The following SKAP1 variants were observed in gnomAD, a reference collection of about 807,000 sequenced individuals.
SKAP1 encodes src kinase associated phosphoprotein 1, also known as src kinase-associated phosphoprotein 1.
In SKAP1, 44 loss-of-function variants were observed where a neutral mutation model predicts 58.5. The observed-to-expected ratio is 0.75, with a 90% CI of 0.59 to 0.97. The LOEUF is 0.97. SKAP1 is among the 50% of genes least tolerant of loss of function. The pLI is 0.00. For synonymous variants in SKAP1, 127 were observed against 149.7 expected, an observed-to-expected ratio of 0.85 and a Z score of 1.11; for missense variants, 390 against 435.2, an observed-to-expected ratio of 0.90 and a Z score of 0.92.
At chr17:48,432,291 T>C (rs1213235999), upstream of SKAP1, among the ~76,000 whole-genome samples, 1 of 152,094 alleles carries the variant, frequency 6.6e-6, no homozygotes, top group African/African-American at 2.4e-5. Flanking sequence ...TAGCTGGGCA[T>C]GGTGGTGCAC....
At chr17:48,212,623 A>G (rs537563557) in intron 4 of SKAP1, among the ~76,000 whole-genome samples, 8 of 152,364 alleles carry the variant, frequency 5.3e-5, no homozygotes, top group Non-Finnish European at 1.2e-4. Context: ...AGGGTTACAG[A>G]TAATGCTGTT....
At chr17:48,146,385 CGG>C (rs1179291732) in intron 11 of SKAP1, among the ~76,000 whole-genome samples, 3 of 151,444 alleles carry the variant, frequency 2.0e-5, no homozygotes, top group Non-Finnish European at 4.4e-5. Context: ...CCCGGCTACT[CGG>C]GAGGCTAAGG....
intron 1 of SKAP1, among the ~76,000 whole-genome samples, chr17:48,429,143 A>G (rs920423505): frequency 6.6e-6 from 1 of 152,256 alleles, no homozygotes; most frequent in Admixed American, 6.5e-5. Flanking sequence ...ATATGTGTCA[A>G]CTATGTCAAC....
At chr17:48,411,162 AG>A (rs1267590365) in intron 1 of SKAP1, among the ~76,000 whole-genome samples, 1 of 151,788 alleles carries the variant, frequency 6.6e-6, no homozygotes. Flanking sequence ...TACTTTGGGA[AG>A]CTGAGACGGG....
At chr17:48,368,557 T>C (rs570663116) in intron 2 of SKAP1, among the ~76,000 whole-genome samples, 53 of 152,242 alleles carry the variant, frequency 3.5e-4, no homozygotes, top group Non-Finnish European at 6.5e-4. Context: ...AACACTTCTT[T>C]AATCTTCTCT....
chr17:48,264,709 A>T (rs2065521852), intron 4 of SKAP1, among the ~76,000 whole-genome samples: 1 of 151,936 alleles, frequency 6.6e-6, no homozygotes, highest in Non-Finnish European at 1.5e-5. Context: ...CTTTAAATAA[A>T]GCAATACTTA....
intron 4 of SKAP1, among the ~76,000 whole-genome samples, chr17:48,192,733 C>T (rs771920718): frequency 6.6e-6 from 1 of 152,284 alleles, no homozygotes; most frequent in African/African-American, 2.4e-5. Context: ...ACTTTCAGTA[C>T]ATTATCAGCA....
At chr17:48,416,023 T>C (rs576590495) in intron 1 of SKAP1, among the ~76,000 whole-genome samples, 29 of 152,306 alleles carry the variant, frequency 1.9e-4, no homozygotes, top group South Asian at 2.1e-4. Context: ...GAAAAGTAGT[T>C]TTTAAAAAAT....
At chr17:48,171,717 TAGAGTTAGGATGTTAG>T (rs1479056338) in intron 9 of SKAP1, among the ~76,000 whole-genome samples, 1 of 145,606 alleles carries the variant, frequency 6.9e-6, no homozygotes, top group African/African-American at 2.6e-5. Context: ...TTAAGCATTC[TAGAGTTAGGATGTTAG>T]AGTGTGTGTG....
intron 11 of SKAP1, among the ~76,000 whole-genome samples, chr17:48,147,670 G>A (rs2063848238): frequency 6.6e-6 from 1 of 152,188 alleles, no homozygotes; most frequent in Non-Finnish European, 1.5e-5. Flanking sequence ...TGGAACTTGT[G>A]AAAGGATCGA....
chr17:48,245,879 G>A (rs888860152), intron 4 of SKAP1, among the ~76,000 whole-genome samples: 2 of 152,156 alleles, frequency 1.3e-5, no homozygotes, highest in Admixed American at 6.5e-5. Flanking sequence ...AGAGGCTGAG[G>A]CAGGATAATC....
intron 3 of SKAP1, among the ~76,000 whole-genome samples, chr17:48,355,317 AC>A (rs2066861478): frequency 6.6e-6 from 1 of 152,148 alleles, no homozygotes; most frequent in Non-Finnish European, 1.5e-5. Context: ...TCACTCAGTC[AC>A]CCAGGCCAGA....
At chr17:48,288,842 A>G (rs1418845343) in intron 4 of SKAP1, among the ~76,000 whole-genome samples, 1 of 152,204 alleles carries the variant, frequency 6.6e-6, no homozygotes, top group African/African-American at 2.4e-5. Flanking sequence ...AGAAAATACA[A>G]GAATGATATA....
intron 2 of SKAP1, 64 bp downstream of exon 2, chr17:48,396,615 AT>A: frequency 9.4e-7 from 1 of 1,062,042 alleles, no homozygotes; most frequent in East Asian, 2.4e-5. Context: ...TTGTGACTTT[AT>A]TTTACTGATT....
At chr17:48,170,295 G>A (rs966770271) in intron 10 of SKAP1, among the ~76,000 whole-genome samples, 2 of 152,152 alleles carry the variant, frequency 1.3e-5, no homozygotes, top group African/African-American at 2.4e-5. Flanking sequence ...TCTTAGAGAT[G>A]AGGCAATTCT....
intron 4 of SKAP1, among the ~76,000 whole-genome samples, chr17:48,194,527 A>C (rs567235957): frequency 2.6e-5 from 4 of 152,254 alleles, no homozygotes; most frequent in Non-Finnish European, 5.9e-5. Context: ...GAATTGGAGA[A>C]ATCAGTTGGC....
intron 4 of SKAP1, among the ~76,000 whole-genome samples, chr17:48,212,069 A>G (rs1210749035): frequency 6.6e-6 from 1 of 151,494 alleles, no homozygotes; most frequent in African/African-American, 2.4e-5. Flanking sequence ...TAGCAGTCTC[A>G]GCTACACCAG....
chr17:48,224,010 C>CAGAGAG (rs10633331), intron 4 of SKAP1, among the ~76,000 whole-genome samples: 2,219 of 93,444 alleles, frequency 0.024, 127 homozygotes, highest in Non-Finnish European at 0.036. Flanking sequence ...AGATGGGAGA[C>CAGAGAG]AGAGAGAGAG....
At chr17:48,227,301 A>C (rs1238527777) in intron 4 of SKAP1, among the ~76,000 whole-genome samples, 2 of 152,172 alleles carry the variant, frequency 1.3e-5, no homozygotes, top group Non-Finnish European at 2.9e-5. Flanking sequence ...GACACAAAGT[A>C]GTTCTGCAAT....
Sources: gnomAD v4.1 joint callset for allele counts (sites outside exome capture counted in the v4.1 genomes callset) on GRCh38, gnomAD v4.1.1 for gene constraint, MANE v1.5 for transcripts, NCBI Gene and HGNC (gene_info 2026-07-23, HGNC 2026-07-21) for gene names.